MTX2: variants seen among roughly 807,000 people sequenced by gnomAD.
MTX2 encodes metaxin-2.
In MTX2, 35 loss-of-function variants were observed where a neutral mutation model predicts 42.3. That is an observed-to-expected ratio of 0.83 (90% CI 0.63 to 1.10). MTX2 has a LOEUF of 1.10. Among genes scored for constraint, MTX2 ranks in the 50% least tolerant of loss-of-function variants. MTX2 has a pLI of 0.00. For missense variants in MTX2, 307 were observed against 304.1 expected (o/e 1.01, Z -0.07); for synonymous variants, 119 against 100.9 (o/e 1.18, Z -1.08).
chr2:176,305,284 TATTTTTATCAGTTGGGA>T (rs1006128471), intron 3 of MTX2, among the ~76,000 whole-genome samples: 30 of 152,088 alleles, frequency 2.0e-4, no homozygotes, highest in African/African-American at 7.0e-4. Flanking sequence ...TTTTTGTTAT[TATTTTTATCAGTTGGGA>T]ATTTTCTTGT....
At chr2:176,326,356 T>C (rs937517558) in intron 4 of MTX2, among the ~76,000 whole-genome samples, 11 of 151,688 alleles carry the variant, frequency 7.3e-5, no homozygotes, top group African/African-American at 2.4e-4. Context: ...AATGTTGATC[T>C]CAATGGGTAT....
chr2:176,293,009 G>A (rs1225720514), intron 1 of MTX2, among the ~76,000 whole-genome samples: 3 of 152,128 alleles, frequency 2.0e-5, no homozygotes, highest in Non-Finnish European at 2.9e-5. Context: ...ACTATGTGTA[G>A]TTCATTATTT....
chr2:176,302,395 A>T (rs1466440483), intron 3 of MTX2, among the ~76,000 whole-genome samples: 1 of 152,072 alleles, frequency 6.6e-6, no homozygotes, highest in Non-Finnish European at 1.5e-5. Context: ...AAACTATTTT[A>T]TTTCTGTTGA....
intron 1 of MTX2, among the ~76,000 whole-genome samples, chr2:176,272,083 T>C (rs1692827566): frequency 6.6e-6 from 1 of 152,196 alleles, no homozygotes; most frequent in South Asian, 2.1e-4. Context: ...AAGGAAACCC[T>C]ATCATTTGTG....
chr2:176,333,086 T>G (rs1684898966), intron 9 of MTX2, among the ~76,000 whole-genome samples: 1 of 151,532 alleles, frequency 6.6e-6, no homozygotes, highest in South Asian at 2.1e-4. Context: ...AATAATAATG[T>G]AAGAAGGCAT....
chr2:176,337,034 G>A (rs975277129), intron 9 of MTX2, among the ~76,000 whole-genome samples: 8 of 152,154 alleles, frequency 5.3e-5, no homozygotes, highest in South Asian at 2.1e-4. Flanking sequence ...ATGTACATCC[G>A]TATATTTTAA....
intron 1 of MTX2, among the ~76,000 whole-genome samples, chr2:176,289,243 T>A (rs551307547): frequency 3.8e-4 from 58 of 152,250 alleles, no homozygotes; most frequent in African/African-American, 1.3e-3. Flanking sequence ...TTCTAACATT[T>A]ATGCATTATT....
At chr2:176,289,666 G>A (rs13024983) in intron 1 of MTX2, among the ~76,000 whole-genome samples, 49,154 of 151,662 alleles carry the variant, frequency 0.32, 9,586 homozygotes, top group African/African-American at 0.54. Flanking sequence ...AATTTTAAAG[G>A]GTGAATTAAT....
chr2:176,331,155 CAG>C lies in MTX2; in HGVS notation c.620+497_620+498del, dbSNP rs1391820195. Among the ~76,000 whole-genome samples, 31 of 151,012 alleles carry C rather than the reference CAG, an allele frequency of 2.1e-4. No individual in the cohort carries two copies. In the South Asian group the frequency reaches 3.1e-3, roughly 15 times the overall value. On this transcript the variant is annotated intron_variant, in intron 9 of 9. Transcript: ENST00000249442. ...TGTTAATGAAAATATTTGTAAAACA[CAG>C]AAATTAATATAAAGGATATAGGTTA...
chr2:176,282,126 G>GTTTTTTTTGTTTTTTTTTTTTTTTTT lies in MTX2; in HGVS notation c.40+12465_40+12466insGTTTTTTTTTTTTTTTTTTTTTTTTT, dbSNP rs767511650. 5.7e-4 allele frequency among the ~76,000 whole-genome samples: 15 copies of GTTTTTTTTGTTTTTTTTTTTTTTTTT among 26,424 alleles called. 3 individuals carry two copies. The highest frequency in any genetic ancestry group is 1.8e-3 in the African/African-American group (11 of 6,114). 17.3% of individuals were successfully genotyped at this position (26,424 alleles called of 152,430 possible). A position where few individuals can be genotyped will look rare whatever the true frequency, so the allele number is the denominator to read the frequency against. Reference sequence around the variant, plus strand: ...TGATATTATTTTTAGAGTTACAGTAGTTTTTTTTTTTTTTTTTTTTTTTTT... The same window carrying GTTTTTTTTGTTTTTTTTTTTTTTTTT: ...TGATATTATTTTTAGAGTTACAGTAGTTTTTTTTGTTTTTTTTTTTTTTTTTTTTTTTTTTTTTTTTTTTTTTTTTT... On this transcript the variant is annotated intron_variant, in intron 1 of 9. Coordinates refer to ENST00000249442, the MANE Select transcript of MTX2 (RefSeq NM_006554.5).
intron 1 of MTX2, among the ~76,000 whole-genome samples, chr2:176,283,935 T>C (rs1390022150): frequency 1.3e-5 from 2 of 152,252 alleles, no homozygotes; most frequent in East Asian, 1.9e-4. Flanking sequence ...TTTTTAGTTC[T>C]GAGAAAAACT....
chr2:176,297,668 A>G (rs1314803016), intron 2 of MTX2, among the ~76,000 whole-genome samples, 181 bp from the exon 3 acceptor site: 1 of 152,084 alleles, frequency 6.6e-6, no homozygotes, highest in Non-Finnish European at 1.5e-5. Flanking sequence ...TTTAGAGGAA[A>G]CTGTCCTAGT....
intron 1 of MTX2, among the ~76,000 whole-genome samples, chr2:176,284,412 T>G (rs2105401665): frequency 6.6e-6 from 1 of 152,360 alleles, no homozygotes; most frequent in South Asian, 2.1e-4. Context: ...TCTTGACCCT[T>G]GTTAACCTCT....
chr2:176,329,943 C>G (rs1684817599), intron 8 of MTX2, among the ~76,000 whole-genome samples: 1 of 150,850 alleles, frequency 6.6e-6, no homozygotes, highest in African/African-American at 2.4e-5. Flanking sequence ...ATTTTTGCTA[C>G]TAAAGTAGCA....
chr2:176,311,048 G>A (rs771659269), intron 3 of MTX2, among the ~76,000 whole-genome samples: 1 of 152,246 alleles, frequency 6.6e-6, no homozygotes, highest in African/African-American at 2.4e-5. Context: ...TCTACCTTTG[G>A]TCTTTGATGT....
Position 176,337,762 on chromosome 2 carries a change from C to A in MTX2, c.*98C>A. The A allele has an allele frequency of 9.4e-7, 1 of 1,067,068 alleles. No individual in the cohort carries two copies. Among genetic ancestry groups the A allele is most frequent in the Non-Finnish European group, 1.3e-6 (1 of 751,668 alleles). The allele number at this position is 1,067,068 out of a possible 1,614,324, so 66.1% of individuals were successfully genotyped here. A position where few individuals can be genotyped will look rare whatever the true frequency, so the allele number is the denominator to read the frequency against. On this transcript the variant is annotated 3_prime_UTR_variant, in exon 10 of 10. Coordinates refer to ENST00000249442, the MANE Select transcript of MTX2 (RefSeq NM_006554.5). ...TCAGAATTTTAAAACCAAATTACTG[C>A]TTTTTGAAACCTCAAATTATATAAT...
chr2:176,316,501 A>G (rs1448799932), intron 3 of MTX2, among the ~76,000 whole-genome samples: 1 of 152,108 alleles, frequency 6.6e-6, no homozygotes, highest in African/African-American at 2.4e-5. Flanking sequence ...TCCTGGGCTT[A>G]GGTGATTCTC....
At chr2:176,287,613 C>T (rs1024341562) in intron 1 of MTX2, among the ~76,000 whole-genome samples, 22 of 152,116 alleles carry the variant, frequency 1.4e-4, no homozygotes, top group African/African-American at 5.3e-4. Context: ...AATGGATATA[C>T]AGTAGACTCT....
At chr2:176,270,166 G>GTTAT (rs760768687) in intron 1 of MTX2, 9 of 331,790 alleles carry the variant, frequency 2.7e-5, no homozygotes, top group South Asian at 2.1e-4. Context: ...GACTCTAGGA[G>GTTAT]TTATTTATTT....
Sources: gnomAD v4.1 joint callset for allele counts (sites outside exome capture counted in the v4.1 genomes callset) on GRCh38, gnomAD v4.1.1 for gene constraint, MANE v1.5 for transcripts, NCBI Gene and HGNC (gene_info 2026-07-23, HGNC 2026-07-21) for gene names.